The following BDP1 variants were observed in gnomAD, a reference collection of about 807,000 sequenced individuals.
BDP1 encodes the protein transcription factor TFIIIB component B'' homolog.
BDP1 carries 169 observed loss-of-function variants against 266.6 expected under a neutral mutation model. The observed-to-expected ratio is 0.63, with a 90% CI of 0.56 to 0.72. The LOEUF (loss-of-function observed/expected upper bound fraction) is 0.72. Ranked by LOEUF, BDP1 falls within the 30% of genes least tolerant of loss-of-function variation. The probability of loss-of-function intolerance (pLI) is 0.00; values close to 1 mark genes in which losing one functional copy is unlikely to be tolerated. For synonymous variants in BDP1, 1,090 were observed against 1,022.4 expected, an observed-to-expected ratio of 1.07 and a Z score of -1.26; for missense variants, 3,015 against 3,053.8, an observed-to-expected ratio of 0.99 and a Z score of 0.30.
At chr5:71,512,183 A>G (rs982957591) in intron 17 of BDP1, 58 bp from the exon 18 acceptor site, 1 of 859,794 alleles carries the variant, frequency 1.2e-6, no homozygotes, top group Non-Finnish European at 1.7e-6. Context: ...TGTTTTAAAT[A>G]TATAAGATGT....
At chr5:71,506,786 A>AACACACACACACAC (rs70992971) in intron 16 of BDP1, among the ~76,000 whole-genome samples, 105 of 64,422 alleles carry the variant, frequency 1.6e-3, no homozygotes, top group South Asian at 0.012. Context: ...ATATATTTGA[A>AACACACACACACAC]ACACACACAC....
At chr5:71,518,835 CTTTTTTT>C (rs35834219) in intron 22 of BDP1, among the ~76,000 whole-genome samples, 1 of 128,646 alleles carries the variant, frequency 7.8e-6, no homozygotes, top group African/African-American at 2.9e-5. Context: ...GTATGGATTA[CTTTTTTT>C]TTTTTTTTTT....
chr5:71,548,623 A>G (rs1742504078), intron 32 of BDP1, 59 bp from the exon 33 acceptor site: 1 of 1,037,320 alleles, frequency 9.6e-7, no homozygotes, highest in Non-Finnish European at 1.5e-6. Context: ...TGACAGGAAT[A>G]ACTTTTTAAA....
rs533531006 is a variant in BDP1 at position 71,561,316 on chromosome 5, G to A, written c.7497-958G>A. 1.1e-3 allele frequency among the ~76,000 whole-genome samples: 160 copies of A among 152,096 alleles called. 1 individual carries two copies. Among genetic ancestry groups the A allele is most frequent in the African/African-American group, 3.6e-3 (151 of 41,492 alleles). ...CTCAGGAGGCTGAGGCAGGAGAATC[G>A]CTTGAACCCAGGAGGCGGAGGGTGC... On this transcript the variant is annotated intron_variant, in intron 37 of 38. Transcript: ENST00000358731.
chr5:71,546,597 G>A (rs1241708828), intron 32 of BDP1, among the ~76,000 whole-genome samples: 5 of 123,302 alleles, frequency 4.1e-5, no homozygotes, highest in Non-Finnish European at 3.2e-5. Context: ...CAGCCTGGGC[G>A]ACAGAACAAG....
In BDP1 at chr5:71,458,818, T is replaced by C. The variant is rs1276076324; in HGVS notation, c.452T>C (p.Leu151Pro). ...TACCGAATATACAAAGCCCAGAAAC[T>C]GAGGGAAATGTTAAAAGAAGAATTG... Reference protein sequence around the residue: ...DRYRIYKAQKLREMLKEELRK... With the variant: ...DRYRIYKAQKPREMLKEELRK... The change falls in exon 2 of 39, where the codon CTG (leucine) becomes CCG (proline). Residue 151 changes from leucine (L) to proline (P), a missense_variant. Coordinates refer to ENST00000358731, the MANE Select transcript of BDP1 (RefSeq NM_018429.3). 4.3e-6 allele frequency: 7 copies of C among 1,611,974 alleles called. No individual in the cohort carries two copies. Among genetic ancestry groups the C allele is most frequent in the Non-Finnish European group, 5.1e-6 (6 of 1,179,588 alleles).
intron 36 of BDP1, among the ~76,000 whole-genome samples, chr5:71,557,625 C>G: frequency 9.6e-6 from 1 of 104,494 alleles, no homozygotes. Context: ...ACCTCGTGAT[C>G]TGCCGGCCTC....
intron 7 of BDP1, among the ~76,000 whole-genome samples, chr5:71,481,585 G>A (rs1665158794): frequency 6.6e-6 from 1 of 151,922 alleles, no homozygotes; most frequent in African/African-American, 2.4e-5. Context: ...AAATAGTGTT[G>A]ACTTTTGTTC....
At chr5:71,534,798 C>T (rs1352020347) in intron 26 of BDP1, among the ~76,000 whole-genome samples, 2 of 152,130 alleles carry the variant, frequency 1.3e-5, no homozygotes, top group Non-Finnish European at 2.9e-5. Flanking sequence ...TATGCCACCA[C>T]GCCCTGCTAA....
intron 38 of BDP1, among the ~76,000 whole-genome samples, chr5:71,564,448 G>C (rs1038477810): frequency 6.6e-6 from 1 of 151,776 alleles, no homozygotes; most frequent in African/African-American, 2.4e-5. Context: ...TGGGTACACT[G>C]TAATTTACCT....
At position 71,512,337 on chromosome 5, in the gene BDP1, A is replaced by T. The variant is rs748411688; in HGVS notation, c.4156A>T (p.Ile1386Phe). Residue 1386 changes from isoleucine to phenylalanine, a missense_variant, in exon 18 of 39, where the codon ATT (isoleucine) becomes TTT (phenylalanine). Coordinates refer to ENST00000358731, the MANE Select transcript of BDP1 (RefSeq NM_018429.3). ...ATCAAGTCACTTCAGTCATTTCAAG[A>T]TTTCTTCACAGACTCATGAATCTGA... ...EVSSHFSHFK[I>F]SSQTHESDKT... 8.1e-6 allele frequency: 13 copies of T among 1,600,896 alleles called. No individual in the cohort carries two copies. In the South Asian group the frequency reaches 1.3e-4, roughly 15 times the overall value.
Position 71,558,421 on chromosome 5 carries a change from G to T in BDP1, c.7240+1496G>T, listed in dbSNP as rs147760166. ...GCCTGTAATCCTAGCTATTTGGGAG[G>T]CTGAGGCAGGAGATTGCTTGAACCT... On this transcript the variant is annotated intron_variant, in intron 36 of 38. Transcript: ENST00000358731. Among the ~76,000 whole-genome samples the T allele has an allele frequency of 2.4e-3, 363 of 152,174 alleles. 2 individuals carry two copies. Among genetic ancestry groups the T allele is most frequent in the African/African-American group, 8.5e-3 (351 of 41,494 alleles).
At chr5:71,487,889 T>C (rs1276510656) in intron 9 of BDP1, among the ~76,000 whole-genome samples, 1 of 152,214 alleles carries the variant, frequency 6.6e-6, no homozygotes, top group East Asian at 1.9e-4. Context: ...GGGCCAACCT[T>C]ATAAGAAGGA....
intron 35 of BDP1, among the ~76,000 whole-genome samples, chr5:71,556,122 T>C (rs921139745): frequency 2.0e-5 from 3 of 152,172 alleles, no homozygotes; most frequent in Non-Finnish European, 2.9e-5. Context: ...TTTTTGTTGC[T>C]GTTATCATTA....
At chr5:71,572,492 G>T (rs542365001), downstream of BDP1, among the ~76,000 whole-genome samples, 1 of 152,298 alleles carries the variant, frequency 6.6e-6, no homozygotes, top group African/African-American at 2.4e-5. Flanking sequence ...GCTGGCAGCG[G>T]ATATAAGGTC....
chr5:71,494,750 C>T (rs1763781597), intron 11 of BDP1: 1 of 152,220 alleles, frequency 6.6e-6, no homozygotes, highest in African/African-American at 2.4e-5. Context: ...GAGCTTTGCT[C>T]TGTCACCCAG....
In BDP1 at chr5:71,509,600, G is replaced by A. The variant is rs1209062404; in HGVS notation, c.2508G>A (p.Lys836=). The change falls in exon 17 of 39, where the codon AAG becomes AAA. Residue 836 remains lysine (K), a synonymous_variant. Transcript: ENST00000358731. The stretch of plus-strand genomic sequence containing the variant: ...CCTCAAAGGAAGAGGTACTAGAGAA[G>A]ATTCTTGTCTCTGGGGAAATGGCGG... ...EISSKEEVLE[K]ILVSGEMAAA... 6.2e-7 allele frequency: 1 copy of A among 1,613,948 alleles called. No individual in the cohort carries two copies. The highest frequency in any genetic ancestry group is 8.5e-7 in the Non-Finnish European group (1 of 1,179,992).
rs1362056609 is a variant in BDP1 at position 71,567,597 on chromosome 5, G to A, written c.*2712G>A. On this transcript the variant is annotated 3_prime_UTR_variant, in exon 39 of 39. Coordinates refer to ENST00000358731, the MANE Select transcript of BDP1 (RefSeq NM_018429.3). ...TGTCTTAGCAAGTGGTCAACATGAG[G>A]ATTTGAACGCCTAATTGTTGGTAAA... 6.6e-6 allele frequency: 1 copy of A among 152,536 alleles called. No individual in the cohort carries two copies. The highest frequency in any genetic ancestry group is 2.4e-5 in the African/African-American group (1 of 41,418). The allele number at this position is 152,536 out of a possible 1,614,324, so 9.4% of individuals were successfully genotyped here.
chr5:71,457,360 C>T (rs1199271286), intron 1 of BDP1, among the ~76,000 whole-genome samples: 4 of 136,122 alleles, frequency 2.9e-5, no homozygotes, highest in African/African-American at 1.1e-4. Context: ...CTTGCTCTGT[C>T]GCCCAGGCTG....
Sources: gnomAD v4.1 joint callset for allele counts (sites outside exome capture counted in the v4.1 genomes callset) on GRCh38, gnomAD v4.1.1 for gene constraint, MANE v1.5 for transcripts, NCBI Gene and HGNC (gene_info 2026-07-23, HGNC 2026-07-21) for gene names.